The following NEBL variants were observed in gnomAD, a reference collection of about 807,000 sequenced individuals.
The protein encoded by NEBL is LIM and SH3 protein 2.
Under a neutral mutation model 140.2 loss-of-function variants are expected in NEBL, and 122 were observed. That is an observed-to-expected ratio of 0.87 (90% CI 0.75 to 1.01). The LOEUF (loss-of-function observed/expected upper bound fraction) is 1.01. Among genes scored for constraint, NEBL ranks in the 50% least tolerant of loss-of-function variants. The probability of loss-of-function intolerance (pLI) is 0.00; values close to 1 mark genes in which losing one functional copy is unlikely to be tolerated. For synonymous variants in NEBL, 436 were observed against 398.9 expected (o/e 1.09, Z -1.11); for missense variants, 1,365 against 1,231.3 (o/e 1.11, Z -1.62).
chr10:21,223,450 T>G (rs1842101248), intron 3 of NEBL, among the ~76,000 whole-genome samples: 1 of 152,260 alleles, frequency 6.6e-6, no homozygotes, highest in Admixed American at 6.5e-5. Flanking sequence ...CATTCATCTG[T>G]TGATGGACAC....
chr10:21,169,058 AAAAAAAAAAATAT>A (rs1250533075), intron 2 of NEBL, among the ~76,000 whole-genome samples: 14 of 56,784 alleles, frequency 2.5e-4, no homozygotes, highest in African/African-American at 8.7e-4. Context: ...ACAAAAAAAA[AAAAAAAAAAATAT>A]ATATATATAT....
At chr10:20,849,176 T>G (rs759394748) in intron 11 of NEBL, among the ~76,000 whole-genome samples, 38 of 152,044 alleles carry the variant, frequency 2.5e-4, no homozygotes, top group Non-Finnish European at 3.8e-4. Context: ...AGACAAAACC[T>G]TGTGTGTCTG....
intron 2 of NEBL, among the ~76,000 whole-genome samples, chr10:21,130,389 A>C (rs1033092070): frequency 3.9e-5 from 6 of 152,168 alleles, no homozygotes; most frequent in Non-Finnish European, 8.8e-5. Context: ...CAACACCAGC[A>C]TCAATCAACA....
intron 1 of NEBL, among the ~76,000 whole-genome samples, chr10:21,272,835 G>C (rs1475753838): frequency 2.0e-5 from 3 of 152,100 alleles, no homozygotes; most frequent in African/African-American, 7.2e-5. Context: ...CTGGACAGTT[G>C]AGCGTGCATT....
chr10:20,936,257 G>A (rs991937189), intron 4 of NEBL, among the ~76,000 whole-genome samples: 24 of 152,058 alleles, frequency 1.6e-4, no homozygotes, highest in Non-Finnish European at 2.9e-5. Context: ...TACAGATGTG[G>A]AAACTTAGAC....
At chr10:21,094,234 G>A (rs1310793716) in intron 2 of NEBL, among the ~76,000 whole-genome samples, 1 of 152,088 alleles carries the variant, frequency 6.6e-6, no homozygotes, top group Non-Finnish European at 1.5e-5. Flanking sequence ...CGGAGACGGT[G>A]GCTCACGCCT....
chr10:21,273,411 C>T (rs141973944), intron 1 of NEBL, among the ~76,000 whole-genome samples: 1 of 152,270 alleles, frequency 6.6e-6, no homozygotes, highest in East Asian at 1.9e-4. Flanking sequence ...GGGAGCGGGA[C>T]AGAGGGTATT....
chr10:21,214,573 C>G (rs141229972), intron 3 of NEBL, among the ~76,000 whole-genome samples: 1 of 149,966 alleles, frequency 6.7e-6, no homozygotes, highest in East Asian at 1.9e-4. Flanking sequence ...ATTACACACA[C>G]GCACACATGC....
intron 2 of NEBL, among the ~76,000 whole-genome samples, chr10:21,056,575 C>A (rs1001442605): frequency 6.6e-6 from 1 of 152,128 alleles, no homozygotes; most frequent in Non-Finnish European, 1.5e-5. Flanking sequence ...GCATAGAGAA[C>A]GAGCCAATCC....
chr10:21,052,481 G>A (rs535396474), intron 2 of NEBL, among the ~76,000 whole-genome samples: 1 of 152,108 alleles, frequency 6.6e-6, no homozygotes, highest in African/African-American at 2.4e-5. Context: ...CCTTGCTCAG[G>A]ATCTACAAAG....
intron 26 of NEBL, among the ~76,000 whole-genome samples, chr10:20,802,232 C>G (rs532119988): frequency 5.9e-5 from 9 of 152,056 alleles, no homozygotes; most frequent in Non-Finnish European, 1.2e-4. Context: ...ACATTGCAGG[C>G]AATGAACTAG....
chr10:21,176,597 C>G (rs1841304101), upstream of NEBL, among the ~76,000 whole-genome samples: 1 of 152,162 alleles, frequency 6.6e-6, no homozygotes, highest in Non-Finnish European at 1.5e-5. Context: ...TGGCAGAAAC[C>G]TGTCCTCTAG....
intron 2 of NEBL, among the ~76,000 whole-genome samples, chr10:21,076,613 G>A (rs1836104766): frequency 1.3e-5 from 2 of 151,990 alleles, no homozygotes; most frequent in Admixed American, 6.6e-5. Flanking sequence ...AGCAACCCAC[G>A]TGTCCATCAA....
At chr10:20,805,044 G>C (rs1006146608) in intron 26 of NEBL, among the ~76,000 whole-genome samples, 1 of 152,170 alleles carries the variant, frequency 6.6e-6, no homozygotes, top group African/African-American at 2.4e-5. Flanking sequence ...GTAGGGCCAA[G>C]CACTCAGATT....
At chr10:21,210,311 T>C (rs1406260152) in intron 3 of NEBL, among the ~76,000 whole-genome samples, 1 of 152,070 alleles carries the variant, frequency 6.6e-6, no homozygotes, top group East Asian at 1.9e-4. Flanking sequence ...GGTGAATCAC[T>C]TGAACCTGAG....
intron 7 of NEBL, chr10:20,868,011 A>ATTT (rs1844487837): frequency 6.7e-6 from 1 of 148,392 alleles, no homozygotes; most frequent in African/African-American, 2.5e-5. Flanking sequence ...ATTCCCTGGT[A>ATTT]TTTTCTTTCC....
chr10:20,796,347 T>G (rs1348519087), intron 26 of NEBL, among the ~76,000 whole-genome samples: 1 of 101,068 alleles, frequency 9.9e-6, no homozygotes, highest in African/African-American at 4.0e-5. Context: ...GTGACAAGAG[T>G]GAAACTCAGT....
chr10:21,276,941 C>T (rs1445604817), intron 1 of NEBL, among the ~76,000 whole-genome samples: 7 of 151,776 alleles, frequency 4.6e-5, no homozygotes, highest in Non-Finnish European at 1.0e-4. Flanking sequence ...TGTACTCCAG[C>T]CTGGGTGATA....
At chr10:21,292,526 C>CT (rs1167696446) in intron 1 of NEBL, among the ~76,000 whole-genome samples, 17 of 152,074 alleles carry the variant, frequency 1.1e-4, no homozygotes, top group Admixed American at 1.1e-3. Flanking sequence ...ACATTCGGGA[C>CT]TTTTTTTCCT....
Sources: gnomAD v4.1 joint callset for allele counts (sites outside exome capture counted in the v4.1 genomes callset) on GRCh38, gnomAD v4.1.1 for gene constraint, MANE v1.5 for transcripts, NCBI Gene and HGNC (gene_info 2026-07-23, HGNC 2026-07-21) for gene names.